KDM4C: variants seen among roughly 807,000 people sequenced by gnomAD.
KDM4C encodes the protein lysine demethylase 4C, also known as lysine-specific demethylase 4C.
Under a neutral mutation model 129.3 loss-of-function variants are expected in KDM4C, and 81 were observed. That is an observed-to-expected ratio of 0.63 (90% confidence interval 0.52 to 0.75). The LOEUF (loss-of-function observed/expected upper bound fraction) is 0.75. Ranked by LOEUF, KDM4C falls within the 30% of genes least tolerant of loss-of-function variation. The probability of loss-of-function intolerance (pLI) is 0.00; values close to 1 mark genes in which losing one functional copy is unlikely to be tolerated. For missense variants in KDM4C, 1,457 were observed against 1,304.0 expected (o/e 1.12, Z -1.81); for synonymous variants, 573 against 456.1 (o/e 1.26, Z -3.26).
intron 13 of KDM4C, 45 bp from the exon 14 acceptor site, chr9:7,013,743 T>C: frequency 6.4e-7 from 1 of 1,572,940 alleles, no homozygotes; most frequent in Non-Finnish European, 8.7e-7. Context: ...AATGATGAGC[T>C]CTTTTCCATG....
chr9:6,803,979 C>T (rs150365156), intron 2 of KDM4C, among the ~76,000 whole-genome samples: 3 of 152,044 alleles, frequency 2.0e-5, no homozygotes, highest in South Asian at 4.1e-4. Flanking sequence ...CCTGTCACCA[C>T]GCCCGGATAA....
intron 18 of KDM4C, among the ~76,000 whole-genome samples, chr9:7,116,560 C>G (rs1478910456): frequency 6.6e-6 from 1 of 152,170 alleles, no homozygotes; most frequent in Non-Finnish European, 1.5e-5. Context: ...ATGCACAGTG[C>G]TGGGTACGTG....
At chr9:7,094,473 A>C (rs949804860) in intron 17 of KDM4C, among the ~76,000 whole-genome samples, 1 of 152,124 alleles carries the variant, frequency 6.6e-6, no homozygotes, top group Non-Finnish European at 1.5e-5. Context: ...GGAAACCCCA[A>C]ATTTATCTCA....
At chr9:6,936,641 C>T (rs1824847039) in intron 8 of KDM4C, among the ~76,000 whole-genome samples, 1 of 152,176 alleles carries the variant, frequency 6.6e-6, no homozygotes, top group Admixed American at 6.5e-5. Context: ...AATGAGCCTT[C>T]CCATGGCTAT....
chr9:6,782,056 C>T (rs143806304), intron 1 of KDM4C, among the ~76,000 whole-genome samples: 2 of 152,058 alleles, frequency 1.3e-5, no homozygotes, highest in Non-Finnish European at 2.9e-5. Flanking sequence ...AACTCCTGAC[C>T]TCAGGTGATC....
chr9:6,901,787 A>T (rs1817450279), intron 8 of KDM4C, among the ~76,000 whole-genome samples: 1 of 152,292 alleles, frequency 6.6e-6, no homozygotes, highest in Non-Finnish European at 1.5e-5. Context: ...TCATTTCGTG[A>T]CACATATTTA....
At chr9:7,050,492 G>A (rs1220339025) in intron 17 of KDM4C, among the ~76,000 whole-genome samples, 2 of 142,784 alleles carry the variant, frequency 1.4e-5, no homozygotes, top group African/African-American at 5.1e-5. Context: ...GTAAGAATTA[G>A]GACTATAAGA....
chr9:6,726,261 G>C (rs1817124396), intron 1 of KDM4C, among the ~76,000 whole-genome samples: 2 of 152,130 alleles, frequency 1.3e-5, no homozygotes, highest in Admixed American at 6.6e-5. Flanking sequence ...CCTCAAACCA[G>C]AATAGGTTCA....
intron 15 of KDM4C, among the ~76,000 whole-genome samples, chr9:7,040,582 G>T (rs1168235368): frequency 1.3e-5 from 2 of 151,732 alleles, no homozygotes; most frequent in Non-Finnish European, 2.9e-5. Context: ...ATCTCCTGGG[G>T]ACAAATTCTG....
chr9:7,062,982 A>G (rs1383299012), intron 17 of KDM4C, among the ~76,000 whole-genome samples: 2 of 152,210 alleles, frequency 1.3e-5, no homozygotes, highest in East Asian at 3.8e-4. Context: ...CCTAAGAAGC[A>G]CAAACTTTAT....
At chr9:6,899,014 A>C (rs976456119) in intron 8 of KDM4C, among the ~76,000 whole-genome samples, 1 of 151,716 alleles carries the variant, frequency 6.6e-6, no homozygotes, top group African/African-American at 2.4e-5. Context: ...CTGACATGAC[A>C]TATATAATAT....
chr9:6,860,627 CAAAA>C (rs1280113927), intron 5 of KDM4C, among the ~76,000 whole-genome samples: 1 of 151,892 alleles, frequency 6.6e-6, no homozygotes, highest in East Asian at 1.9e-4. Flanking sequence ...AGTAAACAAA[CAAAA>C]AAAGATTTGC....
intron 1 of KDM4C, among the ~76,000 whole-genome samples, chr9:6,768,292 G>A (rs1480089902): frequency 2.0e-5 from 3 of 151,400 alleles, no homozygotes; most frequent in Non-Finnish European, 4.4e-5. Context: ...CATAGTTTTT[G>A]GTGACAGATA....
At chr9:6,999,109 A>G (rs1255907794) in intron 12 of KDM4C, among the ~76,000 whole-genome samples, 2 of 152,254 alleles carry the variant, frequency 1.3e-5, no homozygotes, top group African/African-American at 2.4e-5. Flanking sequence ...AAATAGAACT[A>G]GAAATCAAAG....
chr9:7,017,923 G>A (rs1292971271), intron 15 of KDM4C, among the ~76,000 whole-genome samples: 1 of 152,160 alleles, frequency 6.6e-6, no homozygotes, highest in East Asian at 1.9e-4. Context: ...TCACTTTGGG[G>A]AGTGAAAGAA....
intron 19 of KDM4C, among the ~76,000 whole-genome samples, chr9:7,161,996 G>T (rs1843848314): frequency 6.6e-6 from 1 of 152,178 alleles, no homozygotes; most frequent in South Asian, 2.1e-4. Flanking sequence ...TTTACTCCGA[G>T]CTACCTTAAC....
At chr9:7,140,477 C>G (rs1841634709) in intron 19 of KDM4C, among the ~76,000 whole-genome samples, 1 of 152,158 alleles carries the variant, frequency 6.6e-6, no homozygotes, top group Non-Finnish European at 1.5e-5. Context: ...TGCTCAAGTC[C>G]TCTTTCTTCT....
At chr9:7,076,507 C>T (rs1002533098) in intron 17 of KDM4C, 6 of 1,548,012 alleles carry the variant, frequency 3.9e-6, no homozygotes, top group Non-Finnish European at 5.2e-6. Context: ...GTGAAAACAT[C>T]AATTCATTAG....
chr9:7,066,600 A>T (rs1037965828), intron 17 of KDM4C, among the ~76,000 whole-genome samples: 1 of 152,230 alleles, frequency 6.6e-6, no homozygotes, highest in Non-Finnish European at 1.5e-5. Flanking sequence ...TCAAAATTTT[A>T]ATTTTTATAG....
Sources: allele counts gnomAD v4.1 joint callset (sites outside exome capture counted in the v4.1 genomes callset), GRCh38; gene constraint gnomAD v4.1.1; transcripts MANE v1.5; gene names NCBI Gene and HGNC (gene_info 2026-07-23, HGNC 2026-07-21).